ARVCF: variants seen among roughly 807,000 people sequenced by gnomAD.
ARVCF encodes splicing regulator ARVCF.
ARVCF carries 66 observed loss-of-function variants against 90.9 expected under a neutral mutation model. That is an observed-to-expected ratio of 0.73 (90% CI 0.60 to 0.89). ARVCF has a LOEUF of 0.89. Among genes scored for constraint, ARVCF ranks in the 40% least tolerant of loss-of-function variants. The pLI is 0.00. For missense variants in ARVCF, 1,469 were observed against 1,382.3 expected, an observed-to-expected ratio of 1.06 and a Z score of -1.00; for synonymous variants, 653 against 603.4, an observed-to-expected ratio of 1.08 and a Z score of -1.21.
chr22:20,004,606 GAAC>G (rs1299187516), intron 2 of ARVCF, among the ~76,000 whole-genome samples: 10 of 152,044 alleles, frequency 6.6e-5, no homozygotes, highest in Non-Finnish European at 1.2e-4. Flanking sequence ...TCTGGAAAAA[GAAC>G]AACATTTAAG....
chr22:19,995,647 T>C (rs1944220509), intron 2 of ARVCF, among the ~76,000 whole-genome samples: 1 of 152,156 alleles, frequency 6.6e-6, no homozygotes. Flanking sequence ...AATGAAATTA[T>C]GGGGCCCGAG....
At chr22:19,978,851 G>A (rs372339172) in intron 7 of ARVCF, 46 bp downstream of exon 7, 10 of 1,571,432 alleles carry the variant, frequency 6.4e-6, no homozygotes, top group South Asian at 2.3e-5. Flanking sequence ...CCACGAGGAC[G>A]GGGCCTGGTG....
downstream of ARVCF, among the ~76,000 whole-genome samples, chr22:19,967,869 T>C (rs1025460778): frequency 6.6e-6 from 1 of 152,254 alleles, no homozygotes; most frequent in African/African-American, 2.4e-5. Flanking sequence ...GCAAGCATCC[T>C]ATGAGGTTTC....
chr22:19,972,561 G>T, intron 16 of ARVCF, 150 bp from the exon 17 acceptor site: 1 of 1,226,158 alleles, frequency 8.2e-7, no homozygotes, highest in South Asian at 1.4e-5. Context: ...ACCCCAGCTT[G>T]ACAACAGCGC....
rs1342837875 is a variant in ARVCF at position 20,003,644 on chromosome 22, T to C, written c.-19+6811A>G. Among the ~76,000 whole-genome samples, 3 of 152,226 alleles carry C rather than the reference T, an allele frequency of 2.0e-5. No homozygotes were observed. The East Asian group carries it at 5.8e-4, about 29-fold the overall frequency. ...CAAAAATCACAATCATGTCAAATGA[T>C]GCAGGAAAAACATTTAACAAAATTC... On this transcript the variant is annotated intron_variant, in intron 2 of 19. Transcript: ENST00000263207.
chr22:19,990,832 A>C lies in ARVCF; in HGVS notation c.-18-20T>G. 1 of 1,538,126 alleles carries C rather than the reference A, an allele frequency of 6.5e-7. No individual in the cohort carries two copies. Among genetic ancestry groups the C allele is most frequent in the South Asian group, 1.2e-5 (1 of 83,796 alleles). On this transcript the variant is annotated intron_variant, in intron 2 of 19. Coordinates refer to ENST00000263207, the MANE Select transcript of ARVCF (RefSeq NM_001670.3). ...CGCCAGCTGCAGGCAAAGCAGAGTA[A>C]GCTCAGTGGGGTGGGGCACAGCCTG...
Position 19,977,958 on chromosome 22 carries a change from C to A in ARVCF, c.1698G>T (p.Lys566Asn). Reference sequence around the variant, plus strand: ...TGAGGCTGTGACCGTCCCTGCCCACCTTGTTGTCAGTGTCCTTCCGGCCCA... The same window carrying A: ...TGAGGCTGTGACCGTCCCTGCCCACATTGTTGTCAGTGTCCTTCCGGCCCA... ...SAVGRKDTDN[K>N]SVENCVCIMR... The change falls in exon 8 of 20, where the codon AAG becomes AAT. Residue 566 changes from lysine to asparagine, a missense_variant and splice_region_variant. Lys to Asn is a moderately conservative substitution (Grantham distance 94). Coordinates refer to ENST00000263207, the MANE Select transcript of ARVCF (RefSeq NM_001670.3). 6.2e-7 allele frequency: 1 copy of A among 1,604,404 alleles called. No homozygotes were observed.
chr22:20,014,298 G>A (rs563120695), intron 1 of ARVCF, among the ~76,000 whole-genome samples: 10 of 152,026 alleles, frequency 6.6e-5, no homozygotes, highest in African/African-American at 1.9e-4. Context: ...CGGTTCAAGC[G>A]ATTCTCCTGC....
intron 2 of ARVCF, among the ~76,000 whole-genome samples, chr22:20,000,706 A>G (rs930212805): frequency 4.6e-5 from 7 of 152,238 alleles, no homozygotes; most frequent in Non-Finnish European, 7.3e-5. Context: ...GACAGTATTA[A>G]GAGGTAGGGC....
intron 1 of ARVCF, among the ~76,000 whole-genome samples, chr22:20,015,845 T>C (rs1945074538): frequency 6.6e-6 from 1 of 152,236 alleles, no homozygotes; most frequent in African/African-American, 2.4e-5. Flanking sequence ...TTAAGTATGT[T>C]ACATTACACA....
At chr22:19,993,135 C>G (rs1353790351) in intron 2 of ARVCF, among the ~76,000 whole-genome samples, 1 of 152,064 alleles carries the variant, frequency 6.6e-6, no homozygotes, top group Admixed American at 6.5e-5. Context: ...CAGGGTGCAC[C>G]CTGCATTTGC....
intron 5 of ARVCF, chr22:19,980,796 T>C (rs529169545): frequency 4.9e-6 from 1 of 203,640 alleles, no homozygotes; most frequent in African/African-American, 2.3e-5. Flanking sequence ...GCCCTGAGGC[T>C]AGGAGTGACG....
chr22:20,002,886 A>G (rs1247552812), intron 2 of ARVCF, among the ~76,000 whole-genome samples: 2 of 152,206 alleles, frequency 1.3e-5, no homozygotes, highest in Non-Finnish European at 2.9e-5. Flanking sequence ...TCAGCTGCCC[A>G]TTGGAAGCAT....
rs778071040 is a variant in ARVCF at position 19,981,467 on chromosome 22, G to A, written c.640C>T (p.Arg214Cys). The A allele has an allele frequency of 2.0e-5, 31 of 1,545,860 alleles. No individual in the cohort carries two copies. The highest frequency in any genetic ancestry group is 4.8e-5 in the South Asian group (4 of 84,174). The change falls in exon 5 of 20, where the codon CGT (arginine) becomes TGT (cysteine). Residue 214 changes from arginine to cysteine, a missense_variant. Transcript: ENST00000263207. ...GGGCCTGGGCCAAGGGGGCCAGCACGTGGGGGCCGCATGCCCAGCCCTCGG... is the reference window on the plus strand; with the variant it reads ...GGGCCTGGGCCAAGGGGGCCAGCACATGGGGGCCGCATGCCCAGCCCTCGG... The part of the protein sequence containing the change: ...LSRGLGMRPP[R>C]AGPLGPGPGD...
chr22:19,980,875 A>G, intron 5 of ARVCF: 1 of 303,388 alleles, frequency 3.3e-6, no homozygotes, highest in East Asian at 5.7e-5. Flanking sequence ...CCCACTCCAG[A>G]GATGCAGAAA....
chr22:19,967,419 A>G (rs1267356396), downstream of ARVCF: 2 of 470,320 alleles, frequency 4.3e-6, no homozygotes, highest in African/African-American at 2.0e-5. Flanking sequence ...AAATGAAAAC[A>G]CATCATGATT....
chr22:19,968,139 C>A (rs1311136849), downstream of ARVCF, among the ~76,000 whole-genome samples: 1 of 152,208 alleles, frequency 6.6e-6, no homozygotes, highest in African/African-American at 2.4e-5. Context: ...AGGGACCATA[C>A]CAGCAACCCC....
In ARVCF at chr22:19,970,394, T is replaced by G; in HGVS notation, c.*362A>C. On this transcript the variant is annotated 3_prime_UTR_variant, in exon 20 of 20. Coordinates refer to ENST00000263207, the MANE Select transcript of ARVCF (RefSeq NM_001670.3). ...CCTGGCCCGCACCACTGGGGCACTG[T>G]GTTCCCAGGGGCACCCTCCTATCCC... The G allele has an allele frequency of 2.9e-6, 3 of 1,046,872 alleles. No individual in the cohort carries two copies. Among genetic ancestry groups the G allele is most frequent in the Non-Finnish European group, 3.5e-6 (3 of 864,080 alleles). The allele number at this position is 1,046,872 out of a possible 1,614,324, so 64.8% of individuals were successfully genotyped here.
intron 2 of ARVCF, among the ~76,000 whole-genome samples, chr22:19,994,488 G>A (rs1159137263): frequency 7.0e-5 from 8 of 114,968 alleles, no homozygotes; most frequent in Admixed American, 1.7e-4. Context: ...GGATGGTGGA[G>A]GATGAACATA....
Sources: gnomAD v4.1 joint callset for allele counts (sites outside exome capture counted in the v4.1 genomes callset) on GRCh38, gnomAD v4.1.1 for gene constraint, MANE v1.5 for transcripts, NCBI Gene and HGNC (gene_info 2026-07-23, HGNC 2026-07-21) for gene names.